MSRA: variants seen among roughly 807,000 people sequenced by gnomAD.
The protein encoded by MSRA is methionine sulfoxide reductase A.
Under a neutral mutation model 31.3 loss-of-function variants are expected in MSRA, and 54 were observed. The observed-to-expected ratio is 1.73, with a 90% CI of 1.39 to 2.17. The LOEUF (loss-of-function observed/expected upper bound fraction) is 2.17. Among genes scored for constraint, MSRA ranks in the 30% most tolerant of loss-of-function variants. The pLI, the probability that MSRA is intolerant of heterozygous loss-of-function variation, is 0.00. For missense variants in MSRA, 507 were observed against 300.9 expected (o/e 1.69, Z -5.07); for synonymous variants, 169 against 116.5 (o/e 1.45, Z -2.90).
intron 5 of MSRA, among the ~76,000 whole-genome samples, chr8:10,426,858 A>G (rs1380137042): frequency 1.3e-5 from 2 of 152,246 alleles, no homozygotes; most frequent in Non-Finnish European, 2.9e-5. Flanking sequence ...AACTGACATT[A>G]GAATGGCTCC....
At chr8:10,327,928 G>GAAC (rs201768082) in intron 5 of MSRA, among the ~76,000 whole-genome samples, 2,072 of 149,128 alleles carry the variant, frequency 0.014, 42 homozygotes, top group African/African-American at 0.048. Context: ...TCAACAACTA[G>GAAC]AACAACAACA....
intron 5 of MSRA, among the ~76,000 whole-genome samples, chr8:10,352,911 C>T (rs1029677397): frequency 2.0e-5 from 3 of 152,068 alleles, no homozygotes; most frequent in African/African-American, 4.8e-5. Context: ...CAGAGCATCC[C>T]GTGCTGCCCA....
At chr8:10,125,902 A>T (rs921683576) in intron 1 of MSRA, among the ~76,000 whole-genome samples, 1 of 152,182 alleles carries the variant, frequency 6.6e-6, no homozygotes, top group South Asian at 2.1e-4. Context: ...GCCATTTTAC[A>T]CTAAGACAAA....
At chr8:10,283,488 A>T (rs1799744447) in intron 3 of MSRA, among the ~76,000 whole-genome samples, 1 of 151,952 alleles carries the variant, frequency 6.6e-6, no homozygotes, top group African/African-American at 2.4e-5. Context: ...GTATTTGGTT[A>T]CATGAGTGCA....
intron 1 of MSRA, among the ~76,000 whole-genome samples, chr8:10,099,316 C>G (rs568856936): frequency 6.6e-6 from 1 of 152,102 alleles, no homozygotes; most frequent in African/African-American, 2.4e-5. Context: ...GTGTCTCAGC[C>G]GTGGGTATAC....
chr8:10,128,332 T>C (rs1435333915), intron 1 of MSRA, among the ~76,000 whole-genome samples: 1 of 151,892 alleles, frequency 6.6e-6, no homozygotes, highest in Non-Finnish European at 1.5e-5. Context: ...TGAGCCGAGA[T>C]TGCACCATTG....
intron 5 of MSRA, among the ~76,000 whole-genome samples, chr8:10,363,578 G>A (rs1355170244): frequency 2.6e-5 from 4 of 151,990 alleles, no homozygotes; most frequent in Non-Finnish European, 4.4e-5. Flanking sequence ...AGCTCTTTAG[G>A]GCAGGATCTA....
intron 1 of MSRA, among the ~76,000 whole-genome samples, chr8:10,079,364 A>T (rs1029213416): frequency 4.6e-5 from 7 of 152,086 alleles, no homozygotes; most frequent in African/African-American, 1.2e-4. Flanking sequence ...CATGTTGCCC[A>T]GGCTTGTCTC....
At chr8:10,355,111 G>T (rs141083657) in intron 5 of MSRA, among the ~76,000 whole-genome samples, 3 of 152,284 alleles carry the variant, frequency 2.0e-5, no homozygotes, top group East Asian at 3.9e-4. Context: ...ACTCTTTACT[G>T]TGTCAGGGCC....
intron 1 of MSRA, among the ~76,000 whole-genome samples, chr8:10,111,123 G>A (rs1346881299): frequency 6.6e-6 from 1 of 152,150 alleles, no homozygotes; most frequent in Non-Finnish European, 1.5e-5. Flanking sequence ...AAGGGTTTCC[G>A]TGTTATCCAG....
intron 4 of MSRA, 115 bp downstream of exon 4, chr8:10,301,753 T>C (rs1800860371): frequency 3.7e-6 from 3 of 809,458 alleles, no homozygotes; most frequent in East Asian, 5.4e-5. Flanking sequence ...CTCAAGAATA[T>C]GATTGCAGAC....
intron 2 of MSRA, among the ~76,000 whole-genome samples, chr8:10,243,635 C>T (rs1406503920): frequency 6.6e-6 from 1 of 151,572 alleles, no homozygotes; most frequent in Non-Finnish European, 1.5e-5. Flanking sequence ...GAATTTATTA[C>T]AGAAAAATTT....
chr8:10,315,755 T>C (rs1240917740), intron 4 of MSRA, among the ~76,000 whole-genome samples: 3 of 152,186 alleles, frequency 2.0e-5, no homozygotes, highest in Non-Finnish European at 4.4e-5. Flanking sequence ...ACCTAAAAAT[T>C]TTACTATTTT....
chr8:10,405,501 C>G lies in MSRA; in HGVS notation c.544-22647C>G, dbSNP rs151125442. Among the ~76,000 whole-genome samples the G allele has an allele frequency of 2.9e-3, 437 of 152,300 alleles. 2 individuals carry two copies. The highest frequency in any genetic ancestry group is 0.01 in the African/African-American group (425 of 41,562). On this transcript the variant is annotated intron_variant, in intron 5 of 5. Transcript: ENST00000317173. ...GAGAATAAAATGTGAGTTACATGCC[C>G]GGCATTTTTTTTTCCTTCTTTTTAC...
intron 2 of MSRA, among the ~76,000 whole-genome samples, chr8:10,208,584 C>T (rs1585172694): frequency 6.6e-6 from 1 of 152,000 alleles, no homozygotes; most frequent in Non-Finnish European, 1.5e-5. Context: ...TTCTTTCCTT[C>T]CTTACCTCTT....
intron 1 of MSRA, among the ~76,000 whole-genome samples, chr8:10,138,912 C>T (rs897098819): frequency 2.0e-5 from 3 of 152,212 alleles, no homozygotes; most frequent in Non-Finnish European, 2.9e-5. Flanking sequence ...CTACCAGAAA[C>T]AGGTGGCCCT....
rs761012639 is a variant in MSRA, at chr8:10,274,486, G to A, written c.332-27048G>A. Among the ~76,000 whole-genome samples the A allele has an allele frequency of 1.6e-4, 24 of 152,132 alleles. 1 individual carries two copies. Among genetic ancestry groups the A allele is most frequent in the African/African-American group, 7.2e-5 (3 of 41,422 alleles). ...GGCTAGGGTGATCCTCAGTCATTTTGCGGAAGTTCAGCTGGGATAGGAGGC... is the reference window on the plus strand; with the variant it reads ...GGCTAGGGTGATCCTCAGTCATTTTACGGAAGTTCAGCTGGGATAGGAGGC... On this transcript the variant is annotated intron_variant, in intron 3 of 5. Transcript: ENST00000317173.
chr8:10,281,118 AC>A (rs1456206349), intron 3 of MSRA, among the ~76,000 whole-genome samples: 1 of 152,248 alleles, frequency 6.6e-6, no homozygotes, highest in East Asian at 1.9e-4. Context: ...ACTAAAAACC[AC>A]TGAGTTATAT....
chr8:10,265,357 G>C (rs893244516), intron 3 of MSRA, among the ~76,000 whole-genome samples: 1 of 152,154 alleles, frequency 6.6e-6, no homozygotes, highest in Non-Finnish European at 1.5e-5. Context: ...TGTCACAGGG[G>C]CTTCTGGGCA....
Sources: allele counts gnomAD v4.1 joint callset (sites outside exome capture counted in the v4.1 genomes callset), GRCh38; gene constraint gnomAD v4.1.1; transcripts MANE v1.5; gene names NCBI Gene and HGNC (gene_info 2026-07-23, HGNC 2026-07-21).